TOP3B: variants seen among roughly 807,000 people sequenced by gnomAD.
TOP3B encodes the protein DNA topoisomerase III beta, also known as DNA topoisomerase 3-beta-1.
Under a neutral mutation model 93.9 loss-of-function variants are expected in TOP3B, and 45 were observed. The ratio of observed to expected loss-of-function variants is 0.48; its 90% confidence interval spans 0.38 to 0.61. The LOEUF is 0.61. Among genes scored for constraint, TOP3B ranks in the 20% least tolerant of loss-of-function variants. The pLI, the probability that TOP3B is intolerant of heterozygous loss-of-function variation, is 0.00. For missense variants in TOP3B, 750 were observed against 1,156.1 expected (o/e 0.65, Z 5.09); for synonymous variants, 357 against 472.6 (o/e 0.76, Z 3.17).
chr22:21,958,997 T>C (rs2071049071), intron 16 of TOP3B, 135 bp downstream of exon 16: 1 of 1,342,770 alleles, frequency 7.4e-7, no homozygotes. Flanking sequence ...TGGGTATTTT[T>C]TGGCAAGGCC....
rs1159259280 is a variant in TOP3B, at chr22:21,974,632, G to A, written c.71-144C>T. On this transcript the variant is annotated intron_variant, in intron 2 of 17. Coordinates refer to ENST00000357179, the MANE Select transcript of TOP3B (RefSeq NM_001282112.2). ...GTGACGACATTCCGCAGACTGGTGC[G>A]GGTAGTTGGGCACTGAGAGGTGGGA... 9 of 909,820 alleles carry A rather than the reference G, an allele frequency of 9.9e-6. No individual in the cohort carries two copies. The East Asian group carries it at 1.1e-4, about 11-fold the overall frequency. 56.4% of individuals were successfully genotyped at this position (909,820 alleles called of 1,614,324 possible).
At chr22:21,960,009 T>G in intron 14 of TOP3B, 1 of 617,006 alleles carries the variant, frequency 1.6e-6, no homozygotes, top group South Asian at 2.1e-5. Flanking sequence ...CAGGCCGCCC[T>G]TGGGCCAGTT....
At chr22:21,965,540 C>T in intron 8 of TOP3B, 165 bp from the exon 9 acceptor site, 1 of 431,880 alleles carries the variant, frequency 2.3e-6, no homozygotes, top group East Asian at 3.6e-5. Context: ...TATTCAGGAC[C>T]AGGAAAGGAA....
chr22:21,972,166 A>G (rs2071666486), intron 4 of TOP3B: 3 of 551,964 alleles, frequency 5.4e-6, no homozygotes, highest in Non-Finnish European at 9.6e-6. Flanking sequence ...GACCAAAAAA[A>G]AAAGTATAAA....
At chr22:21,960,127 C>A in intron 14 of TOP3B, 194 bp downstream of exon 14, 1 of 834,708 alleles carries the variant, frequency 1.2e-6, no homozygotes, top group Non-Finnish European at 1.9e-6. Context: ...AGCCTTCAAA[C>A]ACACTGAGCT....
Position 21,960,333 on chromosome 22 carries a change from AG to A in TOP3B, c.1641del (p.Tyr548ThrfsTer21). ...PTNLGIVLVH[G>X]YYKIDAELVL... is the part of the protein sequence containing the mutation. ...CTGAGGAACTCACCAATCTTATAGT[AG>A]CCGTGCACCAGGACGATGCCGAGGT... On this transcript the variant is annotated frameshift_variant, in exon 14 of 18. Transcript: ENST00000357179. LOFTEE classifies it high-confidence loss of function. The A allele has an allele frequency of 6.2e-7, 1 of 1,613,456 alleles. No homozygotes were observed. Among genetic ancestry groups the A allele is most frequent in the Non-Finnish European group, 8.5e-7 (1 of 1,179,926 alleles).
chr22:21,971,925 G>A lies in TOP3B; in HGVS notation c.336C>T (p.Ile112=), dbSNP rs749873396. ...LQVEGRGCDY[I]VLWLDCDKEG... ...CCTTGTCGCAGTCCAGCCACAGCAC[G>A]ATGTAGTCGCAGCCTCTGCCCTCCA... Residue 112 remains isoleucine, a synonymous_variant, in exon 5 of 18, where the codon ATC becomes ATT. Coordinates refer to ENST00000357179, the MANE Select transcript of TOP3B (RefSeq NM_001282112.2). This position sits in a 1 kb window ranked among gnomAD's most constrained non-coding sequence, Gnocchi z 4.6. 31 of 1,613,812 alleles carry A rather than the reference G, an allele frequency of 1.9e-5. No individual in the cohort carries two copies. The South Asian group carries it at 2.2e-4, about 11-fold the overall frequency.
Position 21,971,899 on chromosome 22 carries a change from T to G in TOP3B, c.362A>C (p.Glu121Ala). The G allele has an allele frequency of 6.2e-7, 1 of 1,613,992 alleles. No homozygotes were observed. Among genetic ancestry groups the G allele is most frequent in the Non-Finnish European group, 8.5e-7 (1 of 1,179,974 alleles). ...CACCTCAAAGCAGATGTTCTCCCCC[T>G]CCTTGTCGCAGTCCAGCCACAGCAC... is the stretch of plus-strand genomic sequence containing the variant. ...YIVLWLDCDK[E>A]GENICFEVLD... is the part of the protein sequence containing the mutation. Residue 121 changes from glutamate (E) to alanine (A), a missense_variant, in exon 5 of 18, where the codon GAG becomes GCG. This residue lies in a region of TOP3B where 737 missense variants were observed against 933.7 expected (regional missense o/e 0.79). Transcript: ENST00000357179. This position sits in a 1 kb window ranked among gnomAD's most constrained non-coding sequence, Gnocchi z 4.6.
At chr22:21,973,110 G>A (rs746392841) in intron 3 of TOP3B, 25 of 287,658 alleles carry the variant, frequency 8.7e-5, no homozygotes, top group Non-Finnish European at 1.6e-4. Flanking sequence ...TCCAACCTGA[G>A]TTTCTGGAAC....
intron 1 of TOP3B, among the ~76,000 whole-genome samples, chr22:21,981,125 G>A (rs1385170276): frequency 1.3e-5 from 2 of 152,212 alleles, no homozygotes; most frequent in Admixed American, 1.3e-4. Flanking sequence ...AGGAAATTTT[G>A]TCCTAAAATG....
At position 21,968,636 on chromosome 22, in the gene TOP3B, A is replaced by G. The variant is rs1420475153; in HGVS notation, c.721T>C (p.Trp241Arg). The G allele has an allele frequency of 1.1e-5, 17 of 1,614,200 alleles. No homozygotes were observed. The highest frequency in any genetic ancestry group is 1.4e-5 in the Non-Finnish European group (17 of 1,180,034). Residue 241 changes from tryptophan to arginine, a missense_variant, in exon 7 of 18, where the codon TGG becomes CGG. Physicochemically the swap from Trp to Arg is moderately radical, Grantham distance 101. This residue lies in a region of TOP3B where 737 missense variants were observed against 933.7 expected (regional missense o/e 0.79). Coordinates refer to ENST00000357179, the MANE Select transcript of TOP3B (RefSeq NM_001282112.2). ...KIQSFKPETY[W>R]VLQAKVNTDK... The stretch of plus-strand genomic sequence containing the variant: ...CAAGGAACCTTGGCCTGCAGCACCC[A>G]GTAGGTCTCTGGTTTGAAGGACTGG...
At chr22:21,973,461 T>TG (rs1307596495) in intron 3 of TOP3B, 1 of 151,622 alleles carries the variant, frequency 6.6e-6, no homozygotes, top group Non-Finnish European at 1.5e-5. Flanking sequence ...TTTTTTTTTT[T>TG]TTTTGTAGAG....
chr22:21,971,850 G>GGGGCTGGTGTCAGAA lies in TOP3B; in HGVS notation c.384+26_384+27insTTCTGACACCAGCCC. The stretch of plus-strand genomic sequence containing the variant: ...GGCTGGTGTCAGAAAGGCCAAAAGT[G>GGGGCTGGTGTCAGAA]AGGAACAAAGTGAGCCTCACACTCA... On this transcript the variant is annotated intron_variant, in intron 5 of 17. Transcript: ENST00000357179. This position sits in a 1 kb window ranked among gnomAD's most constrained non-coding sequence, Gnocchi z 4.6. The GGGGCTGGTGTCAGAA allele has an allele frequency of 6.2e-7, 1 of 1,612,392 alleles. No homozygotes were observed. The highest frequency in any genetic ancestry group is 2.2e-5 in the East Asian group (1 of 44,878).
chr22:21,976,189 TG>T (rs2071863533), intron 1 of TOP3B: 1 of 152,810 alleles, frequency 6.5e-6, no homozygotes, highest in African/African-American at 2.4e-5. Context: ...TGGACTCACC[TG>T]GAAAGAGGAA....
intron 9 of TOP3B, 180 bp downstream of exon 9, chr22:21,965,105 G>T (rs1465266754): frequency 2.3e-6 from 1 of 430,798 alleles, no homozygotes; most frequent in South Asian, 5.6e-5. Flanking sequence ...ACATCAGGAG[G>T]TCCCCTCAGG....
rs75873245 is a variant in TOP3B at position 21,970,468 on chromosome 22, C to T, written c.385-62G>A. 1,980 of 1,555,140 alleles carry T rather than the reference C, an allele frequency of 1.3e-3. 22 individuals are homozygous for T. The African/African-American group carries it at 0.024, about 19-fold the overall frequency. ...CAGATCCCTGCCACAGCTCCCCACCCCACTGTGAAGCCTGGTTCCTTCCAG... is the reference window on the plus strand; with the variant it reads ...CAGATCCCTGCCACAGCTCCCCACCTCACTGTGAAGCCTGGTTCCTTCCAG... On this transcript the variant is annotated intron_variant, in intron 5 of 17. Coordinates refer to ENST00000357179, the MANE Select transcript of TOP3B (RefSeq NM_001282112.2). The surrounding 1 kb of genome is among the most constrained non-coding windows in gnomAD (Gnocchi z 4.4).
At chr22:21,972,943 C>T (rs2071703688) in intron 3 of TOP3B, 8 of 529,740 alleles carry the variant, frequency 1.5e-5, no homozygotes, top group Admixed American at 3.2e-5. Context: ...TGAGCGGACC[C>T]ACCACACCCC....
chr22:21,972,309 C>G, intron 4 of TOP3B: 1 of 460,602 alleles, frequency 2.2e-6, no homozygotes, highest in Non-Finnish European at 3.8e-6. Flanking sequence ...TCTGCACTTT[C>G]TAATTTTCCA....
rs1367491005 is a variant in TOP3B, at chr22:21,960,079, A to C, written c.1654+242T>G. 4 of 662,362 alleles carry C rather than the reference A, an allele frequency of 6.0e-6. No homozygotes were observed. The East Asian group carries it at 1.1e-4, about 18-fold the overall frequency. The allele number at this position is 662,362 out of a possible 1,614,324, so 41.0% of individuals were successfully genotyped here. A position where few individuals can be genotyped will look rare whatever the true frequency, so the allele number is the denominator to read the frequency against. ...ACCTCCAGGGAACAGGGCTGAGGCAACTTCGCCTCCCTTTTTGGTTCCCTC... is the reference window on the plus strand; with the variant it reads ...ACCTCCAGGGAACAGGGCTGAGGCACCTTCGCCTCCCTTTTTGGTTCCCTC... On this transcript the variant is annotated intron_variant, in intron 14 of 17. Transcript: ENST00000357179.
Sources: allele counts gnomAD v4.1 joint callset (sites outside exome capture counted in the v4.1 genomes callset), GRCh38; gene constraint gnomAD v4.1.1; regional missense constraint gnomAD v4.1.1; non-coding constraint Gnocchi (gnomAD v3.1); transcripts MANE v1.5; gene names NCBI Gene and HGNC (gene_info 2026-07-23, HGNC 2026-07-21).